MRPS9: variants seen among roughly 807,000 people sequenced by gnomAD.
The protein encoded by MRPS9 is small ribosomal subunit protein uS9m.
Under a neutral mutation model 59.9 loss-of-function variants are expected in MRPS9, and 45 were observed. The ratio of observed to expected loss-of-function variants is 0.75; its 90% CI spans 0.59 to 0.96. MRPS9 has a LOEUF of 0.96. MRPS9 is among the 40% of genes least tolerant of loss of function. The pLI is 0.00. For missense variants in MRPS9, 473 were observed against 481.1 expected, an observed-to-expected ratio of 0.98 and a Z score of 0.16; for synonymous variants, 171 against 166.8, an observed-to-expected ratio of 1.03 and a Z score of -0.19.
chr2:105,087,215 C>T (rs1488104684), intron 5 of MRPS9, among the ~76,000 whole-genome samples: 1 of 151,784 alleles, frequency 6.6e-6, no homozygotes, highest in Non-Finnish European at 1.5e-5. Context: ...GGACAGTTGG[C>T]TTTTGTTTGT....
In MRPS9 at chr2:105,089,028, C is replaced by G; in HGVS notation, c.534C>G (p.His178Gln). The change falls in exon 6 of 11, where the codon CAC becomes CAG. Residue 178 changes from histidine to glutamine, a missense_variant. Transcript: ENST00000258455. ...MLLNLEKHQS[H>Q]LQAKSLLPEK... Reference sequence around the variant, plus strand: ...TCAATTTAGAAAAACATCAAAGTCACTTGCAAGCCAAAAGTCTGCTCCCAG... The same window carrying G: ...TCAATTTAGAAAAACATCAAAGTCAGTTGCAAGCCAAAAGTCTGCTCCCAG... 2 of 1,611,584 alleles carry G rather than the reference C, an allele frequency of 1.2e-6. No homozygotes were observed. The highest frequency in any genetic ancestry group is 1.7e-6 in the Non-Finnish European group (2 of 1,178,492).
chr2:105,044,895 G>T (rs1477796158), intron 1 of MRPS9, among the ~76,000 whole-genome samples: 1 of 152,216 alleles, frequency 6.6e-6, no homozygotes, highest in Non-Finnish European at 1.5e-5. Context: ...TTAAAAATCA[G>T]TTGAGTGAGG....
chr2:105,048,995 C>T (rs1679659808), intron 1 of MRPS9, among the ~76,000 whole-genome samples, 176 bp from the exon 2 acceptor site: 2 of 151,814 alleles, frequency 1.3e-5, no homozygotes, highest in Admixed American at 1.3e-4. Context: ...GAGTAGGGGA[C>T]ACATTCTAAC....
chr2:105,098,698 G>A (rs905520305), intron 10 of MRPS9: 6 of 152,114 alleles, frequency 3.9e-5, no homozygotes, highest in African/African-American at 1.4e-4. Flanking sequence ...TAAATGTTAT[G>A]GGTATATCAT....
chr2:105,045,501 A>G (rs1276673614), intron 1 of MRPS9, among the ~76,000 whole-genome samples: 1 of 151,906 alleles, frequency 6.6e-6, no homozygotes, highest in Non-Finnish European at 1.5e-5. Context: ...AAAAAACAAA[A>G]CCTAAAAAAA....
intron 2 of MRPS9, among the ~76,000 whole-genome samples, chr2:105,064,383 T>C (rs1285811515): frequency 6.6e-6 from 1 of 151,878 alleles, no homozygotes; most frequent in Non-Finnish European, 1.5e-5. Context: ...AAGAAAGCAG[T>C]GGGTACTTCA....
rs1558762760 is a variant in MRPS9, at chr2:105,089,983, G to A, written c.639G>A (p.Leu213=). 1 of 1,601,412 alleles carries A rather than the reference G, an allele frequency of 6.2e-7. No homozygotes were observed. Among genetic ancestry groups the A allele is most frequent in the East Asian group, 2.2e-5 (1 of 44,670 alleles). ...TAGAAGAAATGTTAGTGGAAAAACTGTCAGATCTAGATGTGAGTAATTAAT... is the reference window on the plus strand; with the variant it reads ...TAGAAGAAATGTTAGTGGAAAAACTATCAGATCTAGATGTGAGTAATTAAT... The part of the protein sequence containing the change: ...EELEEMLVEK[L]SDLDYMQFIR... Residue 213 remains leucine, a synonymous_variant, in exon 7 of 11, where the codon CTG becomes CTA. Transcript: ENST00000258455.
chr2:105,087,962 A>C (rs1034556544), intron 5 of MRPS9, among the ~76,000 whole-genome samples: 19 of 152,270 alleles, frequency 1.2e-4, no homozygotes, highest in African/African-American at 4.6e-4. Flanking sequence ...ATTATGTGGT[A>C]ATATGGCAGT....
intron 4 of MRPS9, among the ~76,000 whole-genome samples, chr2:105,074,851 A>AT (rs1680176640): frequency 1.3e-5 from 2 of 152,188 alleles, no homozygotes; most frequent in Non-Finnish European, 2.9e-5. Flanking sequence ...CCAGGGACCA[A>AT]TTTTGTGAAG....
At chr2:105,062,981 T>C (rs1679933138) in intron 2 of MRPS9, among the ~76,000 whole-genome samples, 1 of 152,238 alleles carries the variant, frequency 6.6e-6, no homozygotes, top group African/African-American at 2.4e-5. Flanking sequence ...TTGTTTGCAG[T>C]TTGTATTTTG....
Position 105,097,259 on chromosome 2 carries a change from G to T in MRPS9, c.1034G>T (p.Arg345Leu). 5.6e-6 allele frequency: 9 copies of T among 1,613,078 alleles called. No homozygotes were observed. Among genetic ancestry groups the T allele is most frequent in the Non-Finnish European group, 6.8e-6 (8 of 1,179,632 alleles). ...AGGTCAGCGCAGGCTGGAGCAATAC[G>T]ACTGGCAATGGCAAAAGCCTTGTGC... ...GGRSAQAGAI[R>L]LAMAKALCSF... The change falls in exon 10 of 11, where the codon CGA becomes CTA. Residue 345 changes from arginine (R) to leucine (L), a missense_variant. Transcript: ENST00000258455.
At position 105,092,393 on chromosome 2, in the gene MRPS9, G is replaced by T. The variant is rs749302713; in HGVS notation, c.652-8G>T. 1.9e-6 allele frequency: 3 copies of T among 1,589,300 alleles called. No homozygotes were observed. The highest frequency in any genetic ancestry group is 2.6e-6 in the Non-Finnish European group (3 of 1,171,808). On this transcript the variant is annotated splice_polypyrimidine_tract_variant and splice_region_variant and intron_variant, in intron 7 of 10. Transcript: ENST00000258455. ...TTGCACCTTCTAATGAATTTTTATT[G>T]TCTGCAGTATATGCAGTTCATTCGG...
At chr2:105,060,395 C>A (rs552572341) in intron 2 of MRPS9, among the ~76,000 whole-genome samples, 1 of 152,312 alleles carries the variant, frequency 6.6e-6, no homozygotes, top group African/African-American at 2.4e-5. Context: ...GGTTCTCCTG[C>A]CTCAGCCTCC....
intron 7 of MRPS9, chr2:105,091,380 G>A (rs563256440): frequency 1.5e-5 from 7 of 470,964 alleles, no homozygotes; most frequent in East Asian, 6.9e-5. Context: ...AGCACAGAAC[G>A]CCCAGGCCAG....
At chr2:105,080,083 A>T (rs755862141) in intron 5 of MRPS9, 21 bp downstream of exon 5, 2 of 1,502,314 alleles carry the variant, frequency 1.3e-6, no homozygotes, top group Non-Finnish European at 1.8e-6. Context: ...TGCATTTATG[A>T]TAAATAATAT....
intron 4 of MRPS9, among the ~76,000 whole-genome samples, chr2:105,073,133 T>G (rs944824656): frequency 3.3e-5 from 5 of 152,136 alleles, no homozygotes; most frequent in Non-Finnish European, 5.9e-5. Flanking sequence ...CTCTTCTATT[T>G]TTTTAAACCT....
chr2:105,092,441 C>T lies in MRPS9; in HGVS notation c.692C>T (p.Ser231Leu), dbSNP rs1348624580. Reference protein sequence around the residue: ...FIRLLEKLLTSQCGAAEEEFV... With the variant: ...FIRLLEKLLTLQCGAAEEEFV... ...CGGCTGCTAGAAAAGTTATTGACAT[C>T]GCAGTGTGGTGCTGCTGAGGAAGAA... is the stretch of plus-strand genomic sequence containing the variant. Residue 231 changes from serine (S) to leucine (L), a missense_variant, in exon 8 of 11, where the codon TCG becomes TTG. Transcript: ENST00000258455. 3.7e-6 allele frequency: 6 copies of T among 1,613,012 alleles called. No individual in the cohort carries two copies. The highest frequency in any genetic ancestry group is 2.2e-5 in the East Asian group (1 of 44,856).
At chr2:105,068,795 C>T (rs1680049689) in intron 2 of MRPS9, among the ~76,000 whole-genome samples, 1 of 152,152 alleles carries the variant, frequency 6.6e-6, no homozygotes, top group Non-Finnish European at 1.5e-5. Flanking sequence ...TGTTTTACAG[C>T]TCTATAGTAC....
intron 1 of MRPS9, among the ~76,000 whole-genome samples, chr2:105,039,324 T>G (rs536871816): frequency 1.3e-5 from 2 of 152,050 alleles, no homozygotes; most frequent in South Asian, 4.1e-4. Context: ...TTTGTTTTTT[T>G]TTTTTTTCTT....
Sources: gnomAD v4.1 joint callset for allele counts (sites outside exome capture counted in the v4.1 genomes callset) on GRCh38, gnomAD v4.1.1 for gene constraint, MANE v1.5 for transcripts, NCBI Gene and HGNC (gene_info 2026-07-23, HGNC 2026-07-21) for gene names.